PPP2R5E: variants seen among roughly 807,000 people sequenced by gnomAD.
PPP2R5E encodes protein phosphatase 2 regulatory subunit B'epsilon.
In PPP2R5E, 4 loss-of-function variants were observed where a neutral mutation model predicts 65.3. That is an observed-to-expected ratio of 0.06 (90% confidence interval 0.03 to 0.14). The LOEUF (loss-of-function observed/expected upper bound fraction) is 0.14. Ranked by LOEUF, PPP2R5E falls within the 10% of genes least tolerant of loss-of-function variation. The pLI is 1.00. For missense variants in PPP2R5E, 274 were observed against 556.1 expected (o/e 0.49, Z 5.10); for synonymous variants, 183 against 187.4 (o/e 0.98, Z 0.19).
Position 63,502,294 on chromosome 14 carries a change from T to C in PPP2R5E, c.157+37235A>G, listed in dbSNP as rs574422445. ...TGCCCGGCCTCCTGACACCCCTAAC[T>C]TCCCTTCTCGAAGTCCTGAGGGTGA... On this transcript the variant is annotated intron_variant, in intron 2 of 13. Coordinates refer to ENST00000337537, the MANE Select transcript of PPP2R5E (RefSeq NM_006246.5). Among the ~76,000 whole-genome samples, 4 of 152,136 alleles carry C rather than the reference T, an allele frequency of 2.6e-5. No homozygotes were observed. In the South Asian group the frequency reaches 8.3e-4, roughly 32 times the overall value.
intron 12 of PPP2R5E, among the ~76,000 whole-genome samples, chr14:63,383,617 T>G (rs1334382734): frequency 1.3e-5 from 2 of 152,234 alleles, no homozygotes; most frequent in Admixed American, 6.5e-5. Context: ...AAATGTGATA[T>G]TTTATAATTA....
At chr14:63,453,625 T>C (rs567396227) in intron 3 of PPP2R5E, 64 bp downstream of exon 3, 6 of 1,510,970 alleles carry the variant, frequency 4.0e-6, no homozygotes, top group Middle Eastern at 1.7e-4. Flanking sequence ...TCTTGCAATA[T>C]ATACACCTGT....
In PPP2R5E at chr14:63,494,418, A is replaced by G. The variant is rs1160522842; in HGVS notation, c.158-40533T>C. Among the ~76,000 whole-genome samples, 4 of 152,086 alleles carry G rather than the reference A, an allele frequency of 2.6e-5. No homozygotes were observed. In the East Asian group the frequency reaches 5.8e-4, roughly 22 times the overall value. On this transcript the variant is annotated intron_variant, in intron 2 of 13. Transcript: ENST00000337537. ...TCGGCTAATTTTTTGTATTTTTAGT[A>G]GAGACAGAGTCTTACCAGGTTGGCC...
chr14:63,444,531 G>C (rs1380589069), intron 3 of PPP2R5E, among the ~76,000 whole-genome samples: 1 of 151,062 alleles, frequency 6.6e-6, no homozygotes, highest in Non-Finnish European at 1.5e-5. Flanking sequence ...TAAACATTAA[G>C]AATTAACTAA....
At chr14:63,434,712 T>C (rs1490978581) in intron 3 of PPP2R5E, among the ~76,000 whole-genome samples, 1 of 152,230 alleles carries the variant, frequency 6.6e-6, no homozygotes, top group African/African-American at 2.4e-5. Context: ...ACTCCATTTA[T>C]CTCTCAAAGA....
At chr14:63,450,468 C>T (rs948938569) in intron 3 of PPP2R5E, among the ~76,000 whole-genome samples, 2 of 152,062 alleles carry the variant, frequency 1.3e-5, no homozygotes, top group African/African-American at 2.4e-5. Flanking sequence ...AGGGAGAAAA[C>T]GGTCTCCCTT....
chr14:63,428,913 C>T (rs1272557827), intron 3 of PPP2R5E, among the ~76,000 whole-genome samples: 3 of 152,150 alleles, frequency 2.0e-5, no homozygotes, highest in Non-Finnish European at 4.4e-5. Context: ...TTTTGATTGG[C>T]ATTTTGTTGT....
chr14:63,386,804 G>A (rs1884697350), intron 11 of PPP2R5E, among the ~76,000 whole-genome samples: 1 of 151,804 alleles, frequency 6.6e-6, no homozygotes, highest in African/African-American at 2.4e-5. Flanking sequence ...CATGCCTGTG[G>A]TCCCAGCTAC....
At chr14:63,397,068 G>A (rs1335690071) in intron 5 of PPP2R5E, among the ~76,000 whole-genome samples, 1 of 152,124 alleles carries the variant, frequency 6.6e-6, no homozygotes, top group Admixed American at 6.5e-5. Context: ...AGGAAACTGG[G>A]GCACATAGGG....
chr14:63,446,765 C>G (rs1888499312), intron 3 of PPP2R5E, among the ~76,000 whole-genome samples: 1 of 146,784 alleles, frequency 6.8e-6, no homozygotes, highest in Non-Finnish European at 1.5e-5. Flanking sequence ...GGAGGCAGAG[C>G]TTGCAGTGAG....
At chr14:63,450,943 G>A (rs1169790242) in intron 3 of PPP2R5E, among the ~76,000 whole-genome samples, 2 of 151,928 alleles carry the variant, frequency 1.3e-5, no homozygotes, top group Non-Finnish European at 2.9e-5. Context: ...GTGAGGGAGT[G>A]GGGAATACGT....
intron 8 of PPP2R5E, 133 bp downstream of exon 8, chr14:63,393,687 G>A (rs1005359909): frequency 1.7e-6 from 1 of 593,446 alleles, no homozygotes; most frequent in South Asian, 2.2e-5. Flanking sequence ...ACTCCAGCCT[G>A]GGCGGCAGAG....
Position 63,392,043 on chromosome 14 carries a change from T to C in PPP2R5E, c.850-18A>G. On this transcript the variant is annotated intron_variant, in intron 8 of 13. Coordinates refer to ENST00000337537, the MANE Select transcript of PPP2R5E (RefSeq NM_006246.5). ...TATGCCAGCTGAGTAAAAAATAAAATAAAAGGCAAAATTTTAAATTCTATA... is the reference window on the plus strand; with the variant it reads ...TATGCCAGCTGAGTAAAAAATAAAACAAAAGGCAAAATTTTAAATTCTATA... 6.3e-7 allele frequency: 1 copy of C among 1,579,778 alleles called. No homozygotes were observed.
intron 13 of PPP2R5E, among the ~76,000 whole-genome samples, chr14:63,378,981 T>C (rs930491359): frequency 9.9e-5 from 15 of 152,148 alleles, no homozygotes; most frequent in Non-Finnish European, 8.8e-5. Flanking sequence ...AGTACACCCT[T>C]CTATTGCTCA....
In PPP2R5E at chr14:63,434,132, A is replaced by G. The variant is rs113051812; in HGVS notation, c.355-12038T>C. Among the ~76,000 whole-genome samples, 1,228 of 151,756 alleles carry G rather than the reference A, an allele frequency of 8.1e-3. 16 individuals are homozygous for G. The highest frequency in any genetic ancestry group is 0.027 in the African/African-American group (1,115 of 41,510). Reference sequence around the variant, plus strand: ...CAAAAGTTAGTGATTATTTCCTATTAAGTTATTTCTTCCATTCTCCAGTAA... The same window carrying G: ...CAAAAGTTAGTGATTATTTCCTATTGAGTTATTTCTTCCATTCTCCAGTAA... On this transcript the variant is annotated intron_variant, in intron 3 of 13. Transcript: ENST00000337537.
At chr14:63,379,826 C>CTCTTTTT (rs528081976) in intron 13 of PPP2R5E, among the ~76,000 whole-genome samples, 47 of 100,280 alleles carry the variant, frequency 4.7e-4, no homozygotes, top group African/African-American at 2.4e-3. Flanking sequence ...TATTCTCTCT[C>CTCTTTTT]TTTTTTTTTT....
intron 12 of PPP2R5E, among the ~76,000 whole-genome samples, chr14:63,382,835 A>G (rs1420383582): frequency 1.3e-5 from 2 of 152,346 alleles, no homozygotes; most frequent in East Asian, 3.9e-4. Context: ...AACCTTAGAC[A>G]TCTGAATTTG....
At chr14:63,499,651 T>C (rs1445422605) in intron 2 of PPP2R5E, among the ~76,000 whole-genome samples, 1 of 151,256 alleles carries the variant, frequency 6.6e-6, no homozygotes, top group Non-Finnish European at 1.5e-5. Context: ...CACTTGGACC[T>C]GGGAGGCAGA....
intron 2 of PPP2R5E, among the ~76,000 whole-genome samples, chr14:63,499,053 G>A (rs1891722284): frequency 6.6e-6 from 1 of 151,986 alleles, no homozygotes; most frequent in Non-Finnish European, 1.5e-5. Flanking sequence ...ATATATGCAC[G>A]TTTACTTCAT....
Sources: gnomAD v4.1 joint callset for allele counts (sites outside exome capture counted in the v4.1 genomes callset) on GRCh38, gnomAD v4.1.1 for gene constraint, MANE v1.5 for transcripts, NCBI Gene and HGNC (gene_info 2026-07-23, HGNC 2026-07-21) for gene names.